VOPP1: variants seen among roughly 807,000 people sequenced by gnomAD.
VOPP1 encodes the protein VOPP1 WW domain binding protein, also known as WW domain binding protein VOPP1.
A neutral mutation model predicts 23.5 loss-of-function variants in VOPP1; 8 were observed. That is an observed-to-expected ratio of 0.34 (90% CI 0.20 to 0.61). VOPP1 has a LOEUF of 0.61. VOPP1 is among the 20% of genes least tolerant of loss of function. The probability of loss-of-function intolerance (pLI) is 0.78; values close to 1 mark genes in which losing one functional copy is unlikely to be tolerated. For missense variants in VOPP1, 174 were observed against 238.1 expected (o/e 0.73, Z 1.77); for synonymous variants, 83 against 97.3 (o/e 0.85, Z 0.86).
At chr7:55,514,192 T>C (rs1795258615) in intron 2 of VOPP1, among the ~76,000 whole-genome samples, 1 of 152,252 alleles carries the variant, frequency 6.6e-6, no homozygotes, top group African/African-American at 2.4e-5. Flanking sequence ...GGACCCTTAA[T>C]GAGCTAAAAT....
rs1353121574 is a variant in VOPP1, at chr7:55,506,404, C to T, written c.114-8714G>A. 3.9e-5 allele frequency among the ~76,000 whole-genome samples: 6 copies of T among 152,230 alleles called. No homozygotes were observed. In the East Asian group the frequency reaches 7.7e-4, roughly 20 times the overall value. On this transcript the variant is annotated intron_variant, in intron 2 of 4. Transcript: ENST00000285279. ...AGGCTGGAGTGCAGTGGCACGATCT[C>T]GGCTCACTGCAACCTCCACCTCTTG... is the stretch of plus-strand genomic sequence containing the variant.
intron 1 of VOPP1, chr7:55,561,879 C>T (rs1354837973): frequency 2.4e-5 from 17 of 694,554 alleles, no homozygotes; most frequent in Non-Finnish European, 4.2e-5. Flanking sequence ...GAGTAGCCTT[C>T]CATGACACCA....
chr7:55,478,872 T>TCC (rs1792473614), intron 4 of VOPP1, among the ~76,000 whole-genome samples: 1 of 152,220 alleles, frequency 6.6e-6, no homozygotes, highest in Non-Finnish European at 1.5e-5. Context: ...CAAGGGACTC[T>TCC]CCTTCCAGTG....
At chr7:55,496,407 G>A (rs976564749) in intron 3 of VOPP1, among the ~76,000 whole-genome samples, 49 of 152,348 alleles carry the variant, frequency 3.2e-4, no homozygotes, top group African/African-American at 9.1e-4. Flanking sequence ...ACACAGAGCC[G>A]TTAACCTTTG....
At chr7:55,543,393 G>A (rs750086851) in intron 1 of VOPP1, among the ~76,000 whole-genome samples, 1 of 152,116 alleles carries the variant, frequency 6.6e-6, no homozygotes, top group Non-Finnish European at 1.5e-5. Flanking sequence ...TTCTTCCTTG[G>A]AGAAATGTGT....
chr7:55,503,022 A>G (rs1794475529), intron 2 of VOPP1, among the ~76,000 whole-genome samples: 1 of 152,250 alleles, frequency 6.6e-6, no homozygotes, highest in African/African-American at 2.4e-5. Flanking sequence ...AAGATCACGT[A>G]TAGCAGCAGA....
intron 1 of VOPP1, chr7:55,561,914 G>C: frequency 1.4e-6 from 1 of 702,454 alleles, no homozygotes; most frequent in Non-Finnish European, 2.6e-6. Context: ...AGTATGGTGG[G>C]AGTTGAAACG....
At chr7:55,441,494 A>G (rs568461664) in intron 4 of VOPP1, among the ~76,000 whole-genome samples, 28 of 152,290 alleles carry the variant, frequency 1.8e-4, no homozygotes, top group Non-Finnish European at 2.8e-4. Flanking sequence ...CTGGGTTCCA[A>G]TCTGGGCTTT....
At chr7:55,509,342 G>A (rs1043900551) in intron 2 of VOPP1, among the ~76,000 whole-genome samples, 8 of 152,180 alleles carry the variant, frequency 5.3e-5, no homozygotes, top group African/African-American at 1.9e-4. Flanking sequence ...GGATGCCCAG[G>A]ATCAAGGCCC....
intron 4 of VOPP1, among the ~76,000 whole-genome samples, chr7:55,490,589 T>C (rs544723270): frequency 6.6e-6 from 1 of 152,200 alleles, no homozygotes; most frequent in Non-Finnish European, 1.5e-5. Context: ...GGGCCTCCCA[T>C]GCCAAGTGGG....
At chr7:55,452,828 G>T (rs1441720841) in intron 4 of VOPP1, among the ~76,000 whole-genome samples, 1 of 152,194 alleles carries the variant, frequency 6.6e-6, no homozygotes, top group Non-Finnish European at 1.5e-5. Flanking sequence ...CCATTTATAG[G>T]ATAAAGGCAG....
At chr7:55,511,033 T>C (rs1211435421) in intron 2 of VOPP1, among the ~76,000 whole-genome samples, 2 of 152,240 alleles carry the variant, frequency 1.3e-5, no homozygotes, top group African/African-American at 4.8e-5. Flanking sequence ...GACATGACCT[T>C]GAGAGCAACC....
At chr7:55,450,448 ATGTGGCCACTCCAAGTG>A (rs774287439) in intron 4 of VOPP1, among the ~76,000 whole-genome samples, 8 of 152,204 alleles carry the variant, frequency 5.3e-5, no homozygotes, top group Non-Finnish European at 1.0e-4. Context: ...AGCCCTTGAA[ATGTGGCCACTCCAAGTG>A]GAAGTGTGCA....
intron 4 of VOPP1, among the ~76,000 whole-genome samples, chr7:55,485,697 C>T (rs998716792): frequency 3.3e-5 from 5 of 152,330 alleles, no homozygotes; most frequent in Admixed American, 2.0e-4. Context: ...GCACACGGGA[C>T]GTGCACACAG....
intron 1 of VOPP1, among the ~76,000 whole-genome samples, chr7:55,522,368 A>C (rs1183524922): frequency 6.6e-6 from 1 of 152,226 alleles, no homozygotes; most frequent in Non-Finnish European, 1.5e-5. Context: ...GGCAGCCTGG[A>C]GTGACCTAGT....
At chr7:55,501,234 T>C (rs1365825093) in intron 2 of VOPP1, among the ~76,000 whole-genome samples, 1 of 151,910 alleles carries the variant, frequency 6.6e-6, no homozygotes, top group Non-Finnish European at 1.5e-5. Flanking sequence ...AGACATATAA[T>C]AAAGATGCGA....
At chr7:55,535,667 T>C (rs1796742979) in intron 1 of VOPP1, among the ~76,000 whole-genome samples, 1 of 152,212 alleles carries the variant, frequency 6.6e-6, no homozygotes, top group South Asian at 2.1e-4. Flanking sequence ...TTCCAGAAGG[T>C]GAGTTGTTAG....
chr7:55,438,396 G>A (rs74493794), intron 4 of VOPP1, among the ~76,000 whole-genome samples: 1,615 of 152,170 alleles, frequency 0.011, 35 homozygotes, highest in African/African-American at 0.037. Context: ...ACACATAAGT[G>A]TGTACATTTT....
chr7:55,449,093 G>A (rs535481168), intron 4 of VOPP1, among the ~76,000 whole-genome samples: 2 of 152,332 alleles, frequency 1.3e-5, no homozygotes, highest in East Asian at 1.9e-4. Flanking sequence ...TCTCTGCTAT[G>A]AGCACGAACT....
Sources: gnomAD v4.1 joint callset for allele counts (sites outside exome capture counted in the v4.1 genomes callset) on GRCh38, gnomAD v4.1.1 for gene constraint, MANE v1.5 for transcripts, NCBI Gene and HGNC (gene_info 2026-07-23, HGNC 2026-07-21) for gene names.